The following C6 variants were observed in gnomAD, a reference collection of about 807,000 sequenced individuals.
C6 encodes complement C6.
Under a neutral mutation model 112.9 loss-of-function variants are expected in C6, and 101 were observed. That is an observed-to-expected ratio of 0.89 (90% CI 0.76 to 1.06). The LOEUF (loss-of-function observed/expected upper bound fraction) is 1.06, where lower values mean the gene tolerates loss of function less well. Ranked by LOEUF, C6 falls within the 50% of genes least tolerant of loss-of-function variation. The probability of loss-of-function intolerance (pLI) is 0.00; values close to 1 mark genes in which losing one functional copy is unlikely to be tolerated. For missense variants in C6, 1,202 were observed against 1,104.6 expected (o/e 1.09, Z -1.25); for synonymous variants, 431 against 384.1 (o/e 1.12, Z -1.43).
chr5:41,160,041 G>T, intron 11 of C6, 101 bp downstream of exon 11: 4 of 892,520 alleles, frequency 4.5e-6, no homozygotes, highest in Middle Eastern at 6.1e-4. Flanking sequence ...GTACAAGGTG[G>T]AGGTTGCTAA....
upstream of C6, among the ~76,000 whole-genome samples, chr5:41,215,106 C>T (rs1236601170): frequency 6.6e-6 from 1 of 152,106 alleles, no homozygotes; most frequent in East Asian, 1.9e-4. Context: ...TTTTCTAGAG[C>T]AGGGATTGGT....
intron 1 of C6, among the ~76,000 whole-genome samples, chr5:41,247,218 G>A (rs1291206501): frequency 6.6e-6 from 1 of 151,840 alleles, no homozygotes; most frequent in Non-Finnish European, 1.5e-5. Flanking sequence ...ATAAATAAAA[G>A]GCATCCAAAT....
chr5:41,200,891 GTTTTTT>G lies in C6; in HGVS notation c.300+661_300+666del, dbSNP rs143443464. ...TGTTTTTGTTGTTGTTGTTGTTGTT[GTTTTTT>G]TTTTTTTTTTTTTTTTTTTTTAGTA... On this transcript the variant is annotated intron_variant, in intron 3 of 17. Transcript: ENST00000337836. Among the ~76,000 whole-genome samples, 306 of 70,646 alleles carry G rather than the reference GTTTTTT, an allele frequency of 4.3e-3. 1 individual carries two copies. Among genetic ancestry groups the G allele is most frequent in the African/African-American group, 7.4e-3 (114 of 15,468 alleles). 46.3% of individuals were successfully genotyped at this position (70,646 alleles called of 152,430 possible). A position where few individuals can be genotyped will look rare whatever the true frequency, so the allele number is the denominator to read the frequency against.
intron 7 of C6, among the ~76,000 whole-genome samples, chr5:41,178,940 G>A (rs1050932533): frequency 6.6e-5 from 10 of 152,078 alleles, no homozygotes; most frequent in Admixed American, 2.6e-4. Context: ...TGCAACCTCC[G>A]CCTCCCGGGT....
chr5:41,159,935 G>A (rs1184355005), intron 11 of C6, among the ~76,000 whole-genome samples: 1 of 152,110 alleles, frequency 6.6e-6, no homozygotes, highest in Non-Finnish European at 1.5e-5. Flanking sequence ...AACAGATTGA[G>A]GCATAGGGAA....
chr5:41,206,759 C>A (rs76940122), intron 1 of C6, among the ~76,000 whole-genome samples: 9,426 of 152,174 alleles, frequency 0.062, 386 homozygotes, highest in African/African-American at 0.12. Context: ...ATTGGTGTAC[C>A]TGAAAGTGAC....
chr5:41,161,793 G>A lies in C6; in HGVS notation c.1358C>T (p.Ala453Val). The A allele has an allele frequency of 6.2e-7, 1 of 1,613,526 alleles. No individual in the cohort carries two copies. ...GCTCCCTTTCTCCCATGCCAAAGCT[G>A]CTCCATATTCACTCCTTCCACCTCG... Reference protein sequence around the residue: ...LIRGGRSEYGAALAWEKGSSG... With the variant: ...LIRGGRSEYGVALAWEKGSSG... The change falls in exon 10 of 18, where the codon GCA (alanine) becomes GTA (valine). Residue 453 changes from alanine to valine, a missense_variant. Transcript: ENST00000337836.
upstream of C6, among the ~76,000 whole-genome samples, chr5:41,217,428 C>A (rs1291996115): frequency 1.3e-5 from 2 of 152,066 alleles, no homozygotes. Context: ...GAGTTGTCTA[C>A]ACACAAAGAG....
intron 15 of C6, among the ~76,000 whole-genome samples, chr5:41,152,019 A>T (rs558234026): frequency 6.6e-6 from 1 of 152,152 alleles, no homozygotes; most frequent in South Asian, 2.1e-4. Flanking sequence ...GAAAAAAAAA[A>T]GAAAGGAAGG....
In C6 at chr5:41,161,705, C is replaced by A. The variant is rs1269083656; in HGVS notation, c.1446G>T (p.Val482=). Residue 482 remains valine (V), a synonymous_variant, in exon 10 of 18, where the codon GTG becomes GTT. Coordinates refer to ENST00000337836, the MANE Select transcript of C6 (RefSeq NM_000065.5). ...WLESVKENPA[V]IDFELAPIVD... is the part of the protein sequence containing the mutation. ...TTTTTACTCTTACCTCAAAGTCAAT[C>A]ACAGCAGGATTTTCCTTCACTGATT... 1 of 1,613,506 alleles carries A rather than the reference C, an allele frequency of 6.2e-7. No homozygotes were observed. The highest frequency in any genetic ancestry group is 1.1e-5 in the South Asian group (1 of 91,068).
chr5:41,202,770 C>T (rs2150368472), intron 2 of C6, among the ~76,000 whole-genome samples: 1 of 152,276 alleles, frequency 6.6e-6, no homozygotes, highest in East Asian at 1.9e-4. Flanking sequence ...ATAATTAACT[C>T]ACTAACTATA....
chr5:41,176,186 C>G (rs2150310747), intron 8 of C6, among the ~76,000 whole-genome samples: 1 of 152,286 alleles, frequency 6.6e-6, no homozygotes, highest in South Asian at 2.1e-4. Context: ...TGGGTAACCA[C>G]TACTGTGTAA....
intron 1 of C6, among the ~76,000 whole-genome samples, chr5:41,231,478 T>C (rs1269516471): frequency 6.6e-6 from 1 of 152,176 alleles, no homozygotes; most frequent in Non-Finnish European, 1.5e-5. Flanking sequence ...AGCTTAACTT[T>C]GTTCACATAC....
At chr5:41,144,222 A>G (rs970474584) in intron 17 of C6, among the ~76,000 whole-genome samples, 3 of 152,124 alleles carry the variant, frequency 2.0e-5, no homozygotes, top group Admixed American at 1.3e-4. Context: ...TGCCTCCTCA[A>G]TGAAGCATTT....
chr5:41,234,128 C>G (rs1012031041), intron 1 of C6, among the ~76,000 whole-genome samples: 1 of 151,958 alleles, frequency 6.6e-6, no homozygotes, highest in Non-Finnish European at 1.5e-5. Context: ...AATTCTTTCC[C>G]ACAGGGGTCA....
intron 1 of C6, among the ~76,000 whole-genome samples, chr5:41,239,618 C>T (rs889013006): frequency 1.3e-5 from 2 of 152,074 alleles, no homozygotes; most frequent in African/African-American, 4.8e-5. Context: ...CTCAAAACAC[C>T]TCCACACCTT....
intron 3 of C6, 85 bp from the exon 4 acceptor site, chr5:41,199,997 A>C (rs956463056): frequency 9.2e-5 from 110 of 1,200,554 alleles, no homozygotes; most frequent in Non-Finnish European, 1.3e-4. Flanking sequence ...CTCAATCACA[A>C]CAGTGATTTT....
chr5:41,184,851 A>G (rs1749646512), intron 6 of C6, among the ~76,000 whole-genome samples: 1 of 152,200 alleles, frequency 6.6e-6, no homozygotes, highest in African/African-American at 2.4e-5. Flanking sequence ...GGAATCAAGT[A>G]AAGCAATATA....
intron 10 of C6, 102 bp downstream of exon 10, chr5:41,161,591 T>C: frequency 1.0e-6 from 1 of 974,760 alleles, no homozygotes; most frequent in East Asian, 2.4e-5. Context: ...GGCATTTCTT[T>C]CATTGTCTGA....
Sources: allele counts gnomAD v4.1 joint callset (sites outside exome capture counted in the v4.1 genomes callset), GRCh38; gene constraint gnomAD v4.1.1; transcripts MANE v1.5; gene names NCBI Gene and HGNC (gene_info 2026-07-23, HGNC 2026-07-21).